Variants in BCAS3 observed in about 807,000 individuals in gnomAD.
BCAS3 encodes the protein BCAS3 microtubule associated cell migration factor.
A neutral mutation model predicts 116.1 loss-of-function variants in BCAS3; 53 were observed. The observed-to-expected ratio is 0.46, with a 90% CI of 0.37 to 0.57. BCAS3 has a LOEUF of 0.57. Among genes scored for constraint, BCAS3 ranks in the 20% least tolerant of loss-of-function variants. The pLI is 0.00. For missense variants in BCAS3, 917 were observed against 1,165.4 expected (o/e 0.79, Z 3.10); for synonymous variants, 391 against 408.2 (o/e 0.96, Z 0.51).
intron 22 of BCAS3, among the ~76,000 whole-genome samples, chr17:61,176,851 G>A (rs918062097): frequency 2.0e-5 from 3 of 152,136 alleles, no homozygotes; most frequent in Non-Finnish European, 2.9e-5. Context: ...ATGAGCCACC[G>A]CACTCTGGCC....
In BCAS3 at chr17:61,088,878, G is replaced by A. The variant is rs1265726143; in HGVS notation, c.2425+4314G>A. 6.6e-6 allele frequency among the ~76,000 whole-genome samples: 1 copy of A among 152,114 alleles called. No homozygotes were observed. The highest frequency in any genetic ancestry group is 2.4e-5 in the African/African-American group (1 of 41,398). The stretch of plus-strand genomic sequence containing the variant: ...TTTTATAAAGTTATGAGGTGTGGTG[G>A]AAGCAGTGTTTGTGTACATGCCTGA... On this transcript the variant is annotated intron_variant, in intron 22 of 23. Transcript: ENST00000407086. The surrounding 1 kb of genome is among the most constrained non-coding windows in gnomAD (Gnocchi z 4.2).
At position 61,309,843 on chromosome 17, in the gene BCAS3, C is replaced by T. The variant is rs1002208856; in HGVS notation, c.2426-58484C>T. Among the ~76,000 whole-genome samples the T allele has an allele frequency of 1.3e-5, 2 of 152,078 alleles. No individual in the cohort carries two copies. The highest frequency in any genetic ancestry group is 1.3e-4 in the Admixed American group (2 of 15,264). ...GTCTGCACCCTTGTGAGAAGAAGCC[C>T]ATGAAGTCAAATGACAGCTTGTTTA... On this transcript the variant is annotated intron_variant, in intron 22 of 23. Transcript: ENST00000407086. This position sits in a 1 kb window ranked among gnomAD's most constrained non-coding sequence, Gnocchi z 4.6.
intron 22 of BCAS3, among the ~76,000 whole-genome samples, chr17:61,212,911 G>A (rs1413846318): frequency 6.6e-6 from 1 of 152,086 alleles, no homozygotes; most frequent in Non-Finnish European, 1.5e-5. Context: ...ATCTATATGA[G>A]TCCCAAGTCC....
intron 22 of BCAS3, among the ~76,000 whole-genome samples, chr17:61,191,536 G>T (rs1470885259): frequency 6.6e-6 from 1 of 152,160 alleles, no homozygotes; most frequent in African/African-American, 2.4e-5. Context: ...AGTGCTTTGG[G>T]AGTCCGAGGC....
Position 61,309,229 on chromosome 17 carries a change from A to G in BCAS3, c.2426-59098A>G, listed in dbSNP as rs1399165226. 6.6e-6 allele frequency among the ~76,000 whole-genome samples: 1 copy of G among 152,214 alleles called. No homozygotes were observed. Among genetic ancestry groups the G allele is most frequent in the African/African-American group, 2.4e-5 (1 of 41,448 alleles). ...GTATAAGGGAATTAGATAACTCTCTACGTGATTTGCAAACACCTCAAAATT... is the reference window on the plus strand; with the variant it reads ...GTATAAGGGAATTAGATAACTCTCTGCGTGATTTGCAAACACCTCAAAATT... On this transcript the variant is annotated intron_variant, in intron 22 of 23. Transcript: ENST00000407086. The surrounding 1 kb of genome is among the most constrained non-coding windows in gnomAD (Gnocchi z 4.6).
At chr17:60,753,952 A>G (rs191252739) in intron 6 of BCAS3, among the ~76,000 whole-genome samples, 35 of 152,336 alleles carry the variant, frequency 2.3e-4, no homozygotes, top group African/African-American at 8.4e-4. Flanking sequence ...AATTTATTCA[A>G]TATTTTGTAG....
At position 60,784,525 on chromosome 17, in the gene BCAS3, G is replaced by T. The variant is rs1006045373; in HGVS notation, c.404-23479G>T. Among the ~76,000 whole-genome samples the T allele has an allele frequency of 1.1e-4, 17 of 150,918 alleles. 1 individual carries two copies. Among genetic ancestry groups the T allele is most frequent in the Admixed American group, 1.1e-3 (17 of 15,112 alleles). On this transcript the variant is annotated intron_variant, in intron 6 of 23. Transcript: ENST00000407086. ...TTACCATGTTAGCCAGGATGGTCTC[G>T]ATCTCTTGACTTTGTAATCTGCTCA...
chr17:61,246,220 C>T (rs978337572), intron 22 of BCAS3, among the ~76,000 whole-genome samples: 1 of 152,028 alleles, frequency 6.6e-6, no homozygotes, highest in African/African-American at 2.4e-5. Context: ...GTGGCTCACG[C>T]TTGTAATCCC....
intron 6 of BCAS3, among the ~76,000 whole-genome samples, chr17:60,749,611 T>C (rs1413003548): frequency 1.3e-5 from 2 of 152,226 alleles, no homozygotes; most frequent in East Asian, 3.8e-4. Flanking sequence ...AATTTCTTTC[T>C]TATTCTTTTT....
chr17:60,917,510 A>G (rs985146272), intron 12 of BCAS3, among the ~76,000 whole-genome samples: 1 of 152,304 alleles, frequency 6.6e-6, no homozygotes, highest in African/African-American at 2.4e-5. Flanking sequence ...TAAAGGCTCC[A>G]TAATATTCCA....
At chr17:60,977,319 A>G (rs2062468133) in intron 14 of BCAS3, among the ~76,000 whole-genome samples, 1 of 152,070 alleles carries the variant, frequency 6.6e-6, no homozygotes, top group Non-Finnish European at 1.5e-5. Context: ...GATTGGGACT[A>G]TAGGCACATG....
intron 21 of BCAS3, among the ~76,000 whole-genome samples, chr17:61,079,134 A>T (rs780071326): frequency 3.3e-5 from 5 of 151,944 alleles, no homozygotes; most frequent in Non-Finnish European, 7.4e-5. Flanking sequence ...TTAGCAGTTT[A>T]ATTTGTTATA....
At position 60,874,753 on chromosome 17, in the gene BCAS3, T is replaced by C; in HGVS notation, c.661+15T>C. The C allele has an allele frequency of 1.3e-6, 2 of 1,586,882 alleles. No individual in the cohort carries two copies. Among genetic ancestry groups the C allele is most frequent in the Non-Finnish European group, 1.7e-6 (2 of 1,159,148 alleles). On this transcript the variant is annotated intron_variant, in intron 9 of 23. Transcript: ENST00000407086. ...CTTTGTTACAAGTATGTACCAATTT[T>C]TTTTCCCTTCTTATGCCTTTGGGTT... is the stretch of plus-strand genomic sequence containing the variant.
At chr17:61,247,592 C>G (rs1168736223) in intron 22 of BCAS3, among the ~76,000 whole-genome samples, 1 of 152,116 alleles carries the variant, frequency 6.6e-6, no homozygotes, top group African/African-American at 2.4e-5. Flanking sequence ...ACCACAATAC[C>G]ACCTACCAGC....
At chr17:60,816,526 GC>G (rs887008844) in intron 7 of BCAS3, among the ~76,000 whole-genome samples, 27 of 152,044 alleles carry the variant, frequency 1.8e-4, no homozygotes, top group Non-Finnish European at 3.7e-4. Context: ...GCCCGCCTCG[GC>G]CCCCCAAAAT....
chr17:61,284,268 C>T (rs964704612), intron 22 of BCAS3, among the ~76,000 whole-genome samples: 6 of 152,174 alleles, frequency 3.9e-5, no homozygotes, highest in East Asian at 3.9e-4. Context: ...AGGTTCCCTT[C>T]TATGTCAGGA....
intron 5 of BCAS3, among the ~76,000 whole-genome samples, chr17:60,724,408 G>C (rs1478049471): frequency 1.6e-5 from 2 of 123,536 alleles, no homozygotes; most frequent in Non-Finnish European, 3.3e-5. Context: ...GGGTGACAGA[G>C]TGAGACTGTC....
intron 4 of BCAS3, among the ~76,000 whole-genome samples, chr17:60,701,362 C>T (rs1169945030): frequency 1.3e-5 from 2 of 152,084 alleles, no homozygotes; most frequent in African/African-American, 4.8e-5. Flanking sequence ...TGGCAAATAA[C>T]ACAAAAGTAT....
In BCAS3 at chr17:61,196,806, C is replaced by T. The variant is rs1195221397; in HGVS notation, c.2425+112242C>T. Among the ~76,000 whole-genome samples the T allele has an allele frequency of 6.6e-6, 1 of 152,168 alleles. No individual in the cohort carries two copies. Among genetic ancestry groups the T allele is most frequent in the African/African-American group, 2.4e-5 (1 of 41,440 alleles). On this transcript the variant is annotated intron_variant, in intron 22 of 23. Transcript: ENST00000407086. This position sits in a 1 kb window ranked among gnomAD's most constrained non-coding sequence, Gnocchi z 4.7. ...TAGGGTCTAATACACATTTTAACTG[C>T]TGAAACAGAAAGCATATATGCTCTA...
Sources: gnomAD v4.1 joint callset for allele counts (sites outside exome capture counted in the v4.1 genomes callset) on GRCh38, gnomAD v4.1.1 for gene constraint, Gnocchi (gnomAD v3.1) non-coding constraint, MANE v1.5 for transcripts, NCBI Gene and HGNC (gene_info 2026-07-23, HGNC 2026-07-21) for gene names.